The following GPM6A variants were observed in gnomAD, a reference collection of about 807,000 sequenced individuals.
GPM6A encodes glycoprotein M6A.
GPM6A carries 7 observed loss-of-function variants against 32.1 expected under a neutral mutation model. The ratio of observed to expected loss-of-function variants is 0.22; its 90% confidence interval spans 0.12 to 0.41. The LOEUF is 0.41. Ranked by LOEUF, GPM6A falls within the 10% of genes least tolerant of loss-of-function variation. The pLI is 1.00. For missense variants in GPM6A, 235 were observed against 347.2 expected, an observed-to-expected ratio of 0.68 and a Z score of 2.57; for synonymous variants, 130 against 123.4, an observed-to-expected ratio of 1.05 and a Z score of -0.35.
At chr4:175,943,220 T>A (rs943320002) in intron 1 of GPM6A, among the ~76,000 whole-genome samples, 17 of 152,176 alleles carry the variant, frequency 1.1e-4, no homozygotes, top group Non-Finnish European at 4.4e-5. Flanking sequence ...GTGATTTTTG[T>A]ACATTGATTT....
chr4:175,961,263 T>A (rs1304173620), intron 1 of GPM6A: 2 of 152,198 alleles, frequency 1.3e-5, no homozygotes, highest in Admixed American at 1.3e-4. Flanking sequence ...AAGAAGAATG[T>A]TCATTCAACA....
intron 1 of GPM6A, among the ~76,000 whole-genome samples, chr4:175,923,836 G>A (rs1011573436): frequency 3.9e-5 from 6 of 152,136 alleles, no homozygotes; most frequent in Non-Finnish European, 7.4e-5. Context: ...TTACAGCTGT[G>A]AGCCATCATG....
At chr4:175,908,472 G>A (rs1361427755) in intron 1 of GPM6A, among the ~76,000 whole-genome samples, 1 of 151,866 alleles carries the variant, frequency 6.6e-6, no homozygotes. Flanking sequence ...GCTTTAATTT[G>A]AACACATAAA....
intron 3 of GPM6A, among the ~76,000 whole-genome samples, 163 bp from the exon 4 acceptor site, chr4:175,652,150 C>T (rs72702640): frequency 1.3e-4 from 20 of 152,172 alleles, no homozygotes; most frequent in African/African-American, 3.4e-4. Context: ...AGAAATAGTG[C>T]GCATAATGGG....
chr4:175,806,930 A>G (rs1734719019), intron 1 of GPM6A: 1 of 152,242 alleles, frequency 6.6e-6, no homozygotes, highest in Non-Finnish European at 1.5e-5. Context: ...GCTGAGACGA[A>G]GTCTGTCCAC....
chr4:175,732,611 A>T (rs1371434709), intron 1 of GPM6A, among the ~76,000 whole-genome samples: 3 of 152,144 alleles, frequency 2.0e-5, no homozygotes, highest in Non-Finnish European at 4.4e-5. Context: ...TGTCTTTAAA[A>T]ACGTACAAAT....
At chr4:175,953,025 GTT>G (rs75314586) in intron 1 of GPM6A, among the ~76,000 whole-genome samples, 1 of 132,718 alleles carries the variant, frequency 7.5e-6, no homozygotes. Flanking sequence ...ACAAGACCCT[GTT>G]TTTAAAAAAA....
chr4:175,723,849 T>A (rs1746267555), intron 1 of GPM6A, among the ~76,000 whole-genome samples: 1 of 152,160 alleles, frequency 6.6e-6, no homozygotes, highest in Admixed American at 6.5e-5. Context: ...TCTCATATTT[T>A]AAAAATTTTA....
rs143373535 is a variant in GPM6A, at chr4:175,984,423, A to G, written c.-23+17886T>C. Reference sequence around the variant, plus strand: ...TGTGATCTACCCACCTTGGCCTCCCAAAGTGCTGGGATAACAGGCATGAGC... The same window carrying G: ...TGTGATCTACCCACCTTGGCCTCCCGAAGTGCTGGGATAACAGGCATGAGC... On this transcript the variant is annotated intron_variant, in intron 1 of 7. Transcript: ENST00000280187. 2.8e-4 allele frequency among the ~76,000 whole-genome samples: 43 copies of G among 152,270 alleles called. No homozygotes were observed. The East Asian group carries it at 8.3e-3, about 29-fold the overall frequency.
At chr4:175,661,045 C>CAA (rs1327086533) in intron 3 of GPM6A, among the ~76,000 whole-genome samples, 6 of 152,090 alleles carry the variant, frequency 3.9e-5, no homozygotes, top group Non-Finnish European at 8.8e-5. Context: ...TTTAATTGTG[C>CAA]AATCAGTATA....
chr4:175,874,284 T>C (rs1051085297), intron 1 of GPM6A, among the ~76,000 whole-genome samples: 10 of 152,090 alleles, frequency 6.6e-5, no homozygotes, highest in Non-Finnish European at 1.3e-4. Flanking sequence ...AAGAAAAAGT[T>C]CCAGGAGAAA....
chr4:175,748,905 A>G (rs1732208804), intron 1 of GPM6A, among the ~76,000 whole-genome samples: 1 of 152,222 alleles, frequency 6.6e-6, no homozygotes, highest in Non-Finnish European at 1.5e-5. Flanking sequence ...TGCAGCTTCT[A>G]CATTAGTACT....
intron 1 of GPM6A, among the ~76,000 whole-genome samples, chr4:175,964,390 C>T (rs1291099484): frequency 1.3e-5 from 2 of 152,076 alleles, no homozygotes; most frequent in Non-Finnish European, 2.9e-5. Flanking sequence ...CATTACTATA[C>T]TATATTAGTT....
intron 4 of GPM6A, 30 bp from the exon 5 acceptor site, chr4:175,640,859 A>G (rs751902254): frequency 1.4e-6 from 2 of 1,428,730 alleles, no homozygotes; most frequent in East Asian, 4.6e-5. Flanking sequence ...ACAGTTTAGC[A>G]GTATAAATGT....
intron 1 of GPM6A, among the ~76,000 whole-genome samples, chr4:175,957,059 T>A (rs902155452): frequency 6.8e-6 from 1 of 147,150 alleles, no homozygotes. Context: ...GAAAAATATA[T>A]TTTTTTACTA....
chr4:175,659,780 C>T (rs1436431612), intron 3 of GPM6A, among the ~76,000 whole-genome samples: 2 of 152,146 alleles, frequency 1.3e-5, no homozygotes, highest in Non-Finnish European at 2.9e-5. Flanking sequence ...TACTGCTTAT[C>T]TCTAAGGCTC....
At chr4:175,708,919 T>C (rs778643228) in intron 1 of GPM6A, among the ~76,000 whole-genome samples, 1 of 152,184 alleles carries the variant, frequency 6.6e-6, no homozygotes, top group Non-Finnish European at 1.5e-5. Flanking sequence ...ACCTGCACAG[T>C]AAATATTTGG....
At chr4:175,984,391 C>T (rs756706912) in intron 1 of GPM6A, among the ~76,000 whole-genome samples, 16 of 152,080 alleles carry the variant, frequency 1.1e-4, no homozygotes, top group Admixed American at 2.6e-4. Context: ...TCTTGATCTC[C>T]GGACCTTGTG....
At chr4:175,935,829 C>G (rs796954345) in intron 1 of GPM6A, among the ~76,000 whole-genome samples, 14 of 151,870 alleles carry the variant, frequency 9.2e-5, no homozygotes, top group African/African-American at 3.4e-4. Context: ...AGTAAGTGTT[C>G]TAGACTGCCA....
Sources: allele counts gnomAD v4.1 joint callset (sites outside exome capture counted in the v4.1 genomes callset), GRCh38; gene constraint gnomAD v4.1.1; transcripts MANE v1.5; gene names NCBI Gene and HGNC (gene_info 2026-07-23, HGNC 2026-07-21).